The following YBX2 variants were observed in gnomAD, a reference collection of about 807,000 sequenced individuals.
YBX2 encodes Y-box-binding protein 2.
Under a neutral mutation model 44.4 loss-of-function variants are expected in YBX2, and 5 were observed. The observed-to-expected ratio is 0.11, with a 90% CI of 0.06 to 0.24. The LOEUF is 0.24. YBX2 is among the 10% of genes least tolerant of loss of function. The pLI is 1.00. For missense variants in YBX2, 417 were observed against 526.9 expected (o/e 0.79, Z 2.04); for synonymous variants, 188 against 216.1 (o/e 0.87, Z 1.14).
At chr17:7,290,575 C>T (rs2072494869) in intron 4 of YBX2, 40 bp from the exon 5 acceptor site, 1 of 1,600,854 alleles carries the variant, frequency 6.2e-7, no homozygotes, top group African/African-American at 1.3e-5. Flanking sequence ...CCTGCTCCAA[C>T]AGCCAATGTG....
chr17:7,290,942 A>C, intron 4 of YBX2, 151 bp downstream of exon 4: 1 of 819,846 alleles, frequency 1.2e-6, no homozygotes, highest in East Asian at 2.5e-5. Context: ...TAGCCCTAGC[A>C]TTAAGGAAGA....
chr17:7,293,174 G>A (rs1324294716), intron 2 of YBX2: 6 of 481,392 alleles, frequency 1.2e-5, no homozygotes, highest in Non-Finnish European at 1.5e-5. Flanking sequence ...CTGCCCCAAA[G>A]GCATGTCAGA....
chr17:7,293,527 G>A lies in YBX2; in HGVS notation c.283C>T (p.Leu95=). The A allele has an allele frequency of 6.2e-7, 1 of 1,614,126 alleles. No individual in the cohort carries two copies. The highest frequency in any genetic ancestry group is 8.5e-7 in the Non-Finnish European group (1 of 1,180,022). Residue 95 remains leucine, a synonymous_variant, in exon 2 of 9, where the codon CTG becomes TTG. Transcript: ENST00000007699. ...ACGTTGAACCATTTGACAGTGCCCA[G>A]GACTTGGATTGCTGCCAGGCAGAGA... ...ADKPVLAIQV[L]GTVKWFNVRN...
In YBX2 at chr17:7,291,052, G is replaced by A. The variant is rs369295193; in HGVS notation, c.459+41C>T. 3.4e-5 allele frequency: 55 copies of A among 1,603,170 alleles called. No individual in the cohort carries two copies. The highest frequency in any genetic ancestry group is 6.7e-5 in the East Asian group (3 of 44,838). On this transcript the variant is annotated intron_variant, in intron 4 of 8. Coordinates refer to ENST00000007699, the MANE Select transcript of YBX2 (RefSeq NM_015982.4). The surrounding 1 kb of genome is among the most constrained non-coding windows in gnomAD (Gnocchi z 5.8). Reference sequence around the variant, plus strand: ...GTGATGACCTCCAGGCCACCCTCCCGTAAGCCTAGTCAACTCTATACCCCA... The same window carrying A: ...GTGATGACCTCCAGGCCACCCTCCCATAAGCCTAGTCAACTCTATACCCCA...
Position 7,289,621 on chromosome 17 carries a change from C to T in YBX2, c.953G>A (p.Arg318His), listed in dbSNP as rs142210139. Reference protein sequence around the residue: ...PADGSRPEPQRPRNRPYFQRR... With the variant: ...PADGSRPEPQHPRNRPYFQRR... ...CTGGAAGTAGGGGCGGTTTCGTGGGCGCTGGGGCTCAGGCCGGGAACCATC... is the reference window on the plus strand; with the variant it reads ...CTGGAAGTAGGGGCGGTTTCGTGGGTGCTGGGGCTCAGGCCGGGAACCATC... The change falls in exon 7 of 9, where the codon CGC becomes CAC. Residue 318 changes from arginine (R) to histidine (H), a missense_variant. By Grantham distance (29) the Arg-to-His change is conservative. This residue lies in a region of YBX2 where 257 missense variants were observed against 261.7 expected (regional missense o/e 0.98). Coordinates refer to ENST00000007699, the MANE Select transcript of YBX2 (RefSeq NM_015982.4). 1.5e-4 allele frequency: 248 copies of T among 1,613,840 alleles called. No homozygotes were observed. The highest frequency in any genetic ancestry group is 1.9e-4 in the Non-Finnish European group (222 of 1,179,966).
intron 4 of YBX2, 125 bp downstream of exon 4, chr17:7,290,968 A>T: frequency 1.1e-6 from 1 of 938,888 alleles, no homozygotes; most frequent in Non-Finnish European, 1.8e-6. Flanking sequence ...TCAGGGTGAG[A>T]GAACACAGTC....
Position 7,291,976 on chromosome 17 carries a change from C to T in YBX2, c.369+50G>A, listed in dbSNP as rs780608649. On this transcript the variant is annotated intron_variant, in intron 3 of 8. Transcript: ENST00000007699. The surrounding 1 kb of genome is among the most constrained non-coding windows in gnomAD (Gnocchi z 5.8). The stretch of plus-strand genomic sequence containing the variant: ...GCACTGCTAAGGATTACAGCAAAGG[C>T]CTTCAAAGACGGCCGGTTCTTCCCC... 1.2e-6 allele frequency: 2 copies of T among 1,611,456 alleles called. No homozygotes were observed. Among genetic ancestry groups the T allele is most frequent in the Non-Finnish European group, 1.7e-6 (2 of 1,177,618 alleles).
chr17:7,294,279 C>A lies in YBX2; in HGVS notation c.222G>T (p.Ser74=). Residue 74 remains serine, a synonymous_variant, in exon 1 of 9, where the codon TCG becomes TCT. Transcript: ENST00000007699. This position sits in a 1 kb window ranked among gnomAD's most constrained non-coding sequence, Gnocchi z 4.6. ...RTPGNPATAV[S]GTPAPPARSQ... ...TCCGGGCCGGGGGGGCGGGGGTTCC[C>A]GAGACCGCCGTCGCCGGATTGCCAG... The A allele has an allele frequency of 7.8e-7, 1 of 1,276,346 alleles. No homozygotes were observed. The highest frequency in any genetic ancestry group is 3.0e-5 in the South Asian group (1 of 33,466). 79.1% of individuals were successfully genotyped at this position (1,276,346 alleles called of 1,614,324 possible).
In YBX2 at chr17:7,291,390, G is replaced by A. The variant is rs566370940; in HGVS notation, c.370-208C>T. 1 of 615,646 alleles carries A rather than the reference G, an allele frequency of 1.6e-6. No homozygotes were observed. The highest frequency in any genetic ancestry group is 2.9e-5 in the East Asian group (1 of 35,040). The allele number at this position is 615,646 out of a possible 1,614,324, so 38.1% of individuals were successfully genotyped here. A position where few individuals can be genotyped will look rare whatever the true frequency, so the allele number is the denominator to read the frequency against. ...GATTGTGCAGTTACCACCATCCCCA[G>A]GATGCACTCCCCGCACCTCCCCTCC... On this transcript the variant is annotated intron_variant, in intron 3 of 8. Coordinates refer to ENST00000007699, the MANE Select transcript of YBX2 (RefSeq NM_015982.4). This position sits in a 1 kb window ranked among gnomAD's most constrained non-coding sequence, Gnocchi z 5.8.
At position 7,294,590 on chromosome 17, in the gene YBX2, C is replaced by G; in HGVS notation, c.-90G>C. 1 of 1,237,920 alleles carries G rather than the reference C, an allele frequency of 8.1e-7. No individual in the cohort carries two copies. The highest frequency in any genetic ancestry group is 1.0e-6 in the Non-Finnish European group (1 of 989,174). 76.7% of individuals were successfully genotyped at this position (1,237,920 alleles called of 1,614,324 possible). On this transcript the variant is annotated 5_prime_UTR_variant, in exon 1 of 9. Coordinates refer to ENST00000007699, the MANE Select transcript of YBX2 (RefSeq NM_015982.4). This position sits in a 1 kb window ranked among gnomAD's most constrained non-coding sequence, Gnocchi z 4.6. The stretch of plus-strand genomic sequence containing the variant: ...CACCGCCCTGCTCGGTCCTCGCGCC[C>G]CGAGCCTCGCCCACACGCCGGCAGC...
In YBX2 at chr17:7,293,331, T is replaced by C. The variant is rs908848269; in HGVS notation, c.335+144A>G. The C allele has an allele frequency of 2.1e-6, 3 of 1,434,158 alleles. No homozygotes were observed. The East Asian group carries it at 7.4e-5, about 36-fold the overall frequency. 88.8% of individuals were successfully genotyped at this position (1,434,158 alleles called of 1,614,324 possible). The stretch of plus-strand genomic sequence containing the variant: ...CTTGTCACGAAGCACACATTTGTGC[T>C]GCGGTTAAAGGCTTTCAACCAGCAT... On this transcript the variant is annotated intron_variant, in intron 2 of 8. Coordinates refer to ENST00000007699, the MANE Select transcript of YBX2 (RefSeq NM_015982.4).
rs530466724 is a variant in YBX2, at chr17:7,292,136, C to T, written c.336-77G>A. 1.9e-6 allele frequency: 3 copies of T among 1,546,470 alleles called. No homozygotes were observed. In the Admixed American group the frequency reaches 5.0e-5, roughly 26 times the overall value. On this transcript the variant is annotated intron_variant, in intron 2 of 8. Coordinates refer to ENST00000007699, the MANE Select transcript of YBX2 (RefSeq NM_015982.4). ...TCCTCACTGAGGTCCCCCTAGATGCCCAGTCTAAGCTCAGTGGGCCCATCC... is the reference window on the plus strand; with the variant it reads ...TCCTCACTGAGGTCCCCCTAGATGCTCAGTCTAAGCTCAGTGGGCCCATCC...
intron 1 of YBX2, chr17:7,293,776 C>T (rs1428926350): frequency 9.5e-6 from 7 of 735,986 alleles, no homozygotes; most frequent in Non-Finnish European, 1.5e-5. Context: ...CTCTAAGTCA[C>T]GTTCCCCACA....
rs1021346953 is a variant in YBX2, at chr17:7,293,963, C to T, written c.271+267G>A. The T allele has an allele frequency of 1.5e-5, 7 of 461,976 alleles. No individual in the cohort carries two copies. The East Asian group carries it at 1.7e-4, about 11-fold the overall frequency. 28.6% of individuals were successfully genotyped at this position (461,976 alleles called of 1,614,324 possible). On this transcript the variant is annotated intron_variant, in intron 1 of 8. Transcript: ENST00000007699. ...AACCCAGTCAACTAGGCACTGTGTC[C>T]CGCCCGGGGGCGTGGCCGGACCCTG...
rs1212762855 is a variant in YBX2, at chr17:7,291,256, A to T, written c.370-74T>A. The T allele has an allele frequency of 5.0e-6, 7 of 1,413,658 alleles. No homozygotes were observed. Among genetic ancestry groups the T allele is most frequent in the Non-Finnish European group, 7.0e-6 (7 of 1,003,104 alleles). The allele number at this position is 1,413,658 out of a possible 1,614,324, so 87.6% of individuals were successfully genotyped here. A position where few individuals can be genotyped will look rare whatever the true frequency, so the allele number is the denominator to read the frequency against. On this transcript the variant is annotated intron_variant, in intron 3 of 8. Transcript: ENST00000007699. This position sits in a 1 kb window ranked among gnomAD's most constrained non-coding sequence, Gnocchi z 5.8. ...CTCTGTCACCCCTGCTGGGGCCACC[A>T]CCCAATTTCATTCTTTCAACATTTG...
rs2072475359 is a variant in YBX2 at position 7,288,896 on chromosome 17, C to T, written c.1045-58G>A. 4.4e-6 allele frequency: 7 copies of T among 1,607,360 alleles called. No homozygotes were observed. The African/African-American group carries it at 6.7e-5, about 15-fold the overall frequency. On this transcript the variant is annotated intron_variant, in intron 7 of 8. Transcript: ENST00000007699. ...TCTTTTTGTTTTTGAGACAGAGTCT[C>T]ACTCCAGGTTGGATGGAGTACAGTG...
Position 7,294,584 on chromosome 17 carries a change from C to A in YBX2, c.-84G>T, listed in dbSNP as rs1402188810. On this transcript the variant is annotated 5_prime_UTR_variant, in exon 1 of 9. Coordinates refer to ENST00000007699, the MANE Select transcript of YBX2 (RefSeq NM_015982.4). This position sits in a 1 kb window ranked among gnomAD's most constrained non-coding sequence, Gnocchi z 4.6. ...CGAACCCACCGCCCTGCTCGGTCCT[C>A]GCGCCCCGAGCCTCGCCCACACGCC... is the stretch of plus-strand genomic sequence containing the variant. 3 of 1,261,022 alleles carry A rather than the reference C, an allele frequency of 2.4e-6. No individual in the cohort carries two copies. The highest frequency in any genetic ancestry group is 3.0e-6 in the Non-Finnish European group (3 of 1,002,990). The allele number at this position is 1,261,022 out of a possible 1,614,324, so 78.1% of individuals were successfully genotyped here. A position where few individuals can be genotyped will look rare whatever the true frequency, so the allele number is the denominator to read the frequency against.
At chr17:7,289,844 C>A in intron 6 of YBX2, 119 bp from the exon 7 acceptor site, 9 of 1,585,386 alleles carry the variant, frequency 5.7e-6, no homozygotes, top group Non-Finnish European at 8.6e-7. Flanking sequence ...TGCCTCCCCG[C>A]AAGGCACCTG....
At chr17:7,292,684 C>A (rs992503862) in intron 2 of YBX2, 1 of 152,520 alleles carries the variant, frequency 6.6e-6, no homozygotes, top group Non-Finnish European at 1.5e-5. Flanking sequence ...TCATAAGAAC[C>A]CCAGTGGGTG....
Sources: allele counts gnomAD v4.1 joint callset, GRCh38; gene constraint gnomAD v4.1.1; regional missense constraint gnomAD v4.1.1; non-coding constraint Gnocchi (gnomAD v3.1); transcripts MANE v1.5; gene names NCBI Gene and HGNC (gene_info 2026-07-23, HGNC 2026-07-21).